MYO5A: variants seen among roughly 807,000 people sequenced by gnomAD.
MYO5A encodes the protein unconventional myosin-Va.
Under a neutral mutation model 249.7 loss-of-function variants are expected in MYO5A, and 98 were observed. The ratio of observed to expected loss-of-function variants is 0.39; its 90% CI spans 0.33 to 0.46. The LOEUF (loss-of-function observed/expected upper bound fraction) is 0.46. Among genes scored for constraint, MYO5A ranks in the 20% least tolerant of loss-of-function variants. The pLI, the probability that MYO5A is intolerant of heterozygous loss-of-function variation, is 0.98. For synonymous variants in MYO5A, 778 were observed against 810.6 expected (o/e 0.96, Z 0.68); for missense variants, 1,696 against 2,308.8 (o/e 0.73, Z 5.44).
chr15:52,524,109 T>C (rs925604257), intron 1 of MYO5A, among the ~76,000 whole-genome samples: 10 of 152,216 alleles, frequency 6.6e-5, no homozygotes, highest in African/African-American at 2.4e-4. Context: ...TCTAGGCAAG[T>C]TAACATGCTT....
At chr15:52,348,793 T>TG (rs1555431208) in intron 29 of MYO5A, 25 bp downstream of exon 29, 2 of 1,236,576 alleles carry the variant, frequency 1.6e-6, no homozygotes, top group Non-Finnish European at 2.2e-6. Flanking sequence ...AAGTATTTAC[T>TG]AAAAAAAAAA....
intron 24 of MYO5A, among the ~76,000 whole-genome samples, chr15:52,360,379 C>T (rs2040458897): frequency 6.6e-6 from 1 of 152,194 alleles, no homozygotes; most frequent in African/African-American, 2.4e-5. Context: ...GTCAGTCACA[C>T]TGGGTGAAGC....
chr15:52,462,760 A>C (rs2076278239), intron 1 of MYO5A, among the ~76,000 whole-genome samples: 1 of 151,996 alleles, frequency 6.6e-6, no homozygotes, highest in South Asian at 2.1e-4. Context: ...AGGCAGGATA[A>C]TCTCTTGAAC....
chr15:52,450,778 T>C (rs926105728), intron 1 of MYO5A, among the ~76,000 whole-genome samples: 2 of 151,376 alleles, frequency 1.3e-5, no homozygotes, highest in African/African-American at 4.8e-5. Context: ...GCTGGGATTA[T>C]AGACGTAAGT....
At position 52,387,496 on chromosome 15, in the gene MYO5A, C is replaced by T. The variant is rs141424611; in HGVS notation, c.1752+333G>A. On this transcript the variant is annotated intron_variant, in intron 14 of 41. Transcript: ENST00000399233. ...AACCACTGTGGAGGCAATAATTTCA[C>T]ACAAAACTGAAAGAAACATTGCACA... 1.6e-4 allele frequency among the ~76,000 whole-genome samples: 25 copies of T among 152,276 alleles called. No individual in the cohort carries two copies. The East Asian group carries it at 4.4e-3, about 27-fold the overall frequency.
At chr15:52,457,229 C>T (rs1436838622) in intron 1 of MYO5A, among the ~76,000 whole-genome samples, 1 of 152,092 alleles carries the variant, frequency 6.6e-6, no homozygotes, top group Non-Finnish European at 1.5e-5. Context: ...ACTGCTTGAG[C>T]TCAGGAGTTC....
At chr15:52,325,430 C>G (rs1444767548) in intron 36 of MYO5A, among the ~76,000 whole-genome samples, 1 of 142,118 alleles carries the variant, frequency 7.0e-6, no homozygotes, top group Non-Finnish European at 1.5e-5. Flanking sequence ...TTTTTTGAGA[C>G]AGAGACTCTT....
intron 1 of MYO5A, among the ~76,000 whole-genome samples, chr15:52,469,681 T>C (rs180960018): frequency 1.3e-5 from 2 of 152,256 alleles, no homozygotes; most frequent in South Asian, 2.1e-4. Flanking sequence ...CTGCAACTGT[T>C]TGATTTTGTT....
intron 11 of MYO5A, among the ~76,000 whole-genome samples, chr15:52,392,757 G>A (rs1669874): frequency 0.85 from 129,019 of 152,056 alleles, 58,453 homozygotes; most frequent in Non-Finnish European, 0.99. Flanking sequence ...CCATGTGCCA[G>A]TCACTGCACA....
intron 27 of MYO5A, 126 bp from the exon 28 acceptor site, chr15:52,351,607 G>A: frequency 2.2e-6 from 2 of 901,732 alleles, no homozygotes; most frequent in Non-Finnish European, 3.5e-6. Context: ...CTAGTGAATG[G>A]CTTCCTAGGT....
chr15:52,477,044 T>C (rs2076610250), intron 1 of MYO5A, among the ~76,000 whole-genome samples: 1 of 152,240 alleles, frequency 6.6e-6, no homozygotes, highest in African/African-American at 2.4e-5. Context: ...CAGATGTAGA[T>C]TTGGTCTTTT....
chr15:52,381,191 T>C (rs1385186090), intron 16 of MYO5A, among the ~76,000 whole-genome samples: 1 of 152,150 alleles, frequency 6.6e-6, no homozygotes. Flanking sequence ...AGGTGTCTGT[T>C]GGTGGTGGAA....
At chr15:52,325,518 C>T (rs1321811944) in intron 36 of MYO5A, among the ~76,000 whole-genome samples, 1 of 151,596 alleles carries the variant, frequency 6.6e-6, no homozygotes, top group Non-Finnish European at 1.5e-5. Context: ...CCTCCTACCT[C>T]ACCTTCCCAA....
chr15:52,457,592 C>G (rs1381771139), intron 1 of MYO5A, among the ~76,000 whole-genome samples: 2 of 151,874 alleles, frequency 1.3e-5, no homozygotes, highest in Non-Finnish European at 2.9e-5. Flanking sequence ...TGACTTTTAT[C>G]AAAAAGGCAA....
intron 1 of MYO5A, among the ~76,000 whole-genome samples, chr15:52,496,171 A>C (rs988452508): frequency 9.9e-5 from 15 of 152,206 alleles, no homozygotes; most frequent in African/African-American, 3.6e-4. Flanking sequence ...AAAGAAGATT[A>C]TAAGGATATA....
intron 30 of MYO5A, 117 bp downstream of exon 30, chr15:52,346,244 G>A (rs1275393485): frequency 1.5e-5 from 10 of 689,010 alleles, no homozygotes; most frequent in Non-Finnish European, 2.1e-5. Context: ...CCCTTTGAAG[G>A]CCAGTTAATG....
At position 52,410,348 on chromosome 15, in the gene MYO5A, G is replaced by A. The variant is rs2043196420; in HGVS notation, c.741C>T (p.Ser247=). The part of the protein sequence containing the change: ...ANMRTYLLEK[S]RVVFQAEEER... ...GCCAGCTTACCTGGAATACCACTCT[G>A]GATTTCTCTAAAAGATAAGTTCTCA... is the stretch of plus-strand genomic sequence containing the variant. Residue 247 remains serine, a synonymous_variant, in exon 6 of 42, where the codon TCC becomes TCT. Coordinates refer to ENST00000399233, the MANE Select transcript of MYO5A (RefSeq NM_001382347.1). 1.2e-6 allele frequency: 2 copies of A among 1,613,662 alleles called. No homozygotes were observed. Among genetic ancestry groups the A allele is most frequent in the East Asian group, 2.2e-5 (1 of 44,858 alleles).
At chr15:52,431,950 C>T (rs1489253997) in intron 2 of MYO5A, among the ~76,000 whole-genome samples, 1 of 151,368 alleles carries the variant, frequency 6.6e-6, no homozygotes, top group Non-Finnish European at 1.5e-5. Context: ...AAGTGAGACC[C>T]TGCCTCAAAA....
In MYO5A at chr15:52,378,515, C is replaced by CAAAAAAAAAAAAAAAAA. The variant is rs55803737; in HGVS notation, c.2208+1109_2208+1110insTTTTTTTTTTTTTTTTT. 8.3e-3 allele frequency among the ~76,000 whole-genome samples: 87 copies of CAAAAAAAAAAAAAAAAA among 10,448 alleles called. 14 individuals carry two copies. The highest frequency in any genetic ancestry group is 0.026 in the Admixed American group (7 of 270). The allele number at this position is 10,448 out of a possible 152,430, so 6.9% of individuals were successfully genotyped here. Reference sequence around the variant, plus strand: ...CCTGGGTGAAAGAGCAAGACTGTCTCAAAAAAAAAAAAAAAAGAAGGGAAT... The same window carrying CAAAAAAAAAAAAAAAAA: ...CCTGGGTGAAAGAGCAAGACTGTCTCAAAAAAAAAAAAAAAAAAAAAAAAAAAAAAAAAGAAGGGAAT... On this transcript the variant is annotated intron_variant, in intron 18 of 41. Coordinates refer to ENST00000399233, the MANE Select transcript of MYO5A (RefSeq NM_001382347.1).
Sources: allele counts gnomAD v4.1 joint callset (sites outside exome capture counted in the v4.1 genomes callset), GRCh38; gene constraint gnomAD v4.1.1; transcripts MANE v1.5; gene names NCBI Gene and HGNC (gene_info 2026-07-23, HGNC 2026-07-21).